Variants in GPN3 observed in about 807,000 individuals in gnomAD.
GPN3 encodes GPN-loop GTPase 3.
A neutral mutation model predicts 38.7 loss-of-function variants in GPN3; 31 were observed. The ratio of observed to expected loss-of-function variants is 0.80; its 90% CI spans 0.60 to 1.08. GPN3 has a LOEUF of 1.08. Among genes scored for constraint, GPN3 ranks in the 50% least tolerant of loss-of-function variants. GPN3 has a pLI of 0.00. For synonymous variants in GPN3, 116 were observed against 120.2 expected, an observed-to-expected ratio of 0.96 and a Z score of 0.23; for missense variants, 301 against 354.4, an observed-to-expected ratio of 0.85 and a Z score of 1.21.
chr12:110,452,558 CAT>C lies in GPN3; in HGVS notation c.*474_*475del, dbSNP rs1351314947. ...ATATATACACATACATATCTCAAAA[CAT>C]AGTTATTTTTACTTTTTAAGTTATA... On this transcript the variant is annotated 3_prime_UTR_variant, in exon 8 of 8. Coordinates refer to ENST00000228827, the MANE Select transcript of GPN3 (RefSeq NM_016301.4). The C allele has an allele frequency of 3.8e-5, 6 of 159,684 alleles. No homozygotes were observed. The highest frequency in any genetic ancestry group is 6.9e-5 in the Non-Finnish European group (5 of 72,312). The allele number at this position is 159,684 out of a possible 1,614,324, so 9.9% of individuals were successfully genotyped here.
chr12:110,468,640 T>C (rs2062655909), upstream of GPN3: 1 of 1,537,216 alleles, frequency 6.5e-7, no homozygotes, highest in Non-Finnish European at 8.7e-7. Context: ...GGAGCATGTA[T>C]ATTTCCCTCC....
At chr12:110,462,889 T>G (rs2062600243) in intron 2 of GPN3, among the ~76,000 whole-genome samples, 1 of 152,220 alleles carries the variant, frequency 6.6e-6, no homozygotes, top group Admixed American at 6.5e-5. Flanking sequence ...CCCCAGTAGC[T>G]GGGACCACAG....
At chr12:110,462,819 C>T (rs1270364459) in intron 2 of GPN3, among the ~76,000 whole-genome samples, 10 of 152,180 alleles carry the variant, frequency 6.6e-5, no homozygotes, top group South Asian at 6.2e-4. Context: ...TTCAGTGGCG[C>T]GATCTCGGCT....
chr12:110,453,866 A>G lies in GPN3; in HGVS notation c.669T>C (p.Asp223=), dbSNP rs772218494. 29 of 1,603,456 alleles carry G rather than the reference A, an allele frequency of 1.8e-5. No individual in the cohort carries two copies. Among genetic ancestry groups the G allele is most frequent in the Non-Finnish European group, 2.5e-5 (29 of 1,173,210 alleles). ...GTAAAAATCGAACCATGCTGTAGTC[A>G]TCAATCTACAAGTTGTGGATTTCAA... is the stretch of plus-strand genomic sequence containing the variant. ...KLTKAICGLI[D]DYSMVRFLPY... is the part of the protein sequence containing the mutation. The change falls in exon 7 of 8, where the codon GAT becomes GAC. Residue 223 remains aspartate, a synonymous_variant. Coordinates refer to ENST00000228827, the MANE Select transcript of GPN3 (RefSeq NM_016301.4).
chr12:110,468,577 G>C (rs1220617625), upstream of GPN3: 5 of 1,537,110 alleles, frequency 3.3e-6, no homozygotes, highest in Non-Finnish European at 4.4e-6. Context: ...CTCGCGATTT[G>C]CAAATGTGCT....
intron 1 of GPN3, 43 bp from the exon 2 acceptor site, chr12:110,465,257 G>T: frequency 9.5e-7 from 1 of 1,056,548 alleles, no homozygotes; most frequent in Non-Finnish European, 1.5e-6. Flanking sequence ...AACAGGTAGT[G>T]TAGTGCTACC....
intron 4 of GPN3, 51 bp downstream of exon 4, chr12:110,457,455 CACAA>C: frequency 1.7e-6 from 2 of 1,163,550 alleles, no homozygotes; most frequent in Non-Finnish European, 2.2e-6. Flanking sequence ...CTGTCACACA[CACAA>C]AAAAAAAAAA....
intron 2 of GPN3, among the ~76,000 whole-genome samples, chr12:110,462,548 G>T (rs1045571062): frequency 4.6e-5 from 7 of 152,136 alleles, no homozygotes; most frequent in Non-Finnish European, 8.8e-5. Flanking sequence ...TAGTCCTGGT[G>T]TACACCTGGC....
intron 2 of GPN3, chr12:110,461,382 C>A (rs1336900245): frequency 1.5e-3 from 649 of 437,148 alleles, no homozygotes; most frequent in Middle Eastern, 4.4e-3. Context: ...TCAAATACAT[C>A]AAATAAAGTT....
chr12:110,465,038 C>G (rs1156755440), intron 2 of GPN3, 68 bp downstream of exon 2: 1 of 819,104 alleles, frequency 1.2e-6, no homozygotes, highest in African/African-American at 1.7e-5. Context: ...TGCTAAGCAG[C>G]TAGTACTCAC....
chr12:110,459,229 T>C (rs1390592042), intron 3 of GPN3, among the ~76,000 whole-genome samples: 2 of 150,750 alleles, frequency 1.3e-5, no homozygotes, highest in Non-Finnish European at 2.9e-5. Flanking sequence ...TTAATAGATA[T>C]ACTTTTTTTT....
rs1327127688 is a variant in GPN3 at position 110,455,946 on chromosome 12, G to A, written c.451-16C>T. On this transcript the variant is annotated splice_polypyrimidine_tract_variant and intron_variant, in intron 4 of 7. Transcript: ENST00000228827. ...CAGAAATAAACTGAAGGAGGAAACAGAAAAGGGAAGATGAACTGACTGTTG... is the reference window on the plus strand; with the variant it reads ...CAGAAATAAACTGAAGGAGGAAACAAAAAAGGGAAGATGAACTGACTGTTG... 7 of 1,295,608 alleles carry A rather than the reference G, an allele frequency of 5.4e-6. No homozygotes were observed. The Admixed American group carries it at 1.2e-4, about 22-fold the overall frequency. 80.3% of individuals were successfully genotyped at this position (1,295,608 alleles called of 1,614,324 possible).
At position 110,452,750 on chromosome 12, in the gene GPN3, A is replaced by G. The variant is rs1296913833; in HGVS notation, c.*284T>C. 3.0e-6 allele frequency: 1 copy of G among 331,850 alleles called. No individual in the cohort carries two copies. The highest frequency in any genetic ancestry group is 5.7e-6 in the Non-Finnish European group (1 of 175,192). The allele number at this position is 331,850 out of a possible 1,614,324, so 20.6% of individuals were successfully genotyped here. ...GTGAAAATAAGTTTAGACCAGCCTTAACCTTAGCTCAGGTGCTAATTTATA... is the reference window on the plus strand; with the variant it reads ...GTGAAAATAAGTTTAGACCAGCCTTGACCTTAGCTCAGGTGCTAATTTATA... On this transcript the variant is annotated 3_prime_UTR_variant, in exon 8 of 8. Coordinates refer to ENST00000228827, the MANE Select transcript of GPN3 (RefSeq NM_016301.4).
intron 2 of GPN3, among the ~76,000 whole-genome samples, chr12:110,464,523 G>T (rs2062613033): frequency 6.6e-6 from 1 of 151,138 alleles, no homozygotes; most frequent in Non-Finnish European, 1.5e-5. Context: ...TATACCACAT[G>T]ATTCACTACA....
At chr12:110,460,417 C>T (rs1409925668) in intron 2 of GPN3, among the ~76,000 whole-genome samples, 2 of 151,892 alleles carry the variant, frequency 1.3e-5, no homozygotes, top group East Asian at 1.9e-4. Context: ...AAGTACAAAA[C>T]CAAAAAAAGA....
At chr12:110,461,277 A>T (rs546023011) in intron 2 of GPN3, 1 of 1,301,824 alleles carries the variant, frequency 7.7e-7, no homozygotes, top group Admixed American at 1.7e-5. Flanking sequence ...GAGGATGAAG[A>T]TTCACCAAAT....
intron 4 of GPN3, 93 bp downstream of exon 4, chr12:110,457,417 G>T: frequency 2.8e-6 from 3 of 1,081,232 alleles, no homozygotes; most frequent in Non-Finnish European, 3.7e-6. Context: ...ACGCCACTGC[G>T]CTCCAGCCTA....
At chr12:110,467,765 T>C (rs1324320211) in intron 1 of GPN3, among the ~76,000 whole-genome samples, 17 of 152,216 alleles carry the variant, frequency 1.1e-4, no homozygotes. Context: ...GACCCCACTT[T>C]ACCCTCCTGG....
intron 2 of GPN3, among the ~76,000 whole-genome samples, chr12:110,460,792 C>T (rs1421361857): frequency 6.6e-6 from 1 of 152,144 alleles, no homozygotes; most frequent in Non-Finnish European, 1.5e-5. Flanking sequence ...TGGTGAAGCC[C>T]CATCTCTACT....
Sources: gnomAD v4.1 joint callset for allele counts (sites outside exome capture counted in the v4.1 genomes callset) on GRCh38, gnomAD v4.1.1 for gene constraint, MANE v1.5 for transcripts, NCBI Gene and HGNC (gene_info 2026-07-23, HGNC 2026-07-21) for gene names.